Variants in MCTP1 observed in about 807,000 individuals in gnomAD.
MCTP1 encodes multiple C2 and transmembrane domain-containing protein 1.
MCTP1 carries 69 observed loss-of-function variants against 120.6 expected under a neutral mutation model. The observed-to-expected ratio is 0.57, with a 90% CI of 0.47 to 0.70. The LOEUF (loss-of-function observed/expected upper bound fraction) is 0.70, where lower values mean the gene tolerates loss of function less well. MCTP1 is among the 30% of genes least tolerant of loss of function. The pLI is 0.00. For synonymous variants in MCTP1, 529 were observed against 493.1 expected, an observed-to-expected ratio of 1.07 and a Z score of -0.96; for missense variants, 1,203 against 1,248.8, an observed-to-expected ratio of 0.96 and a Z score of 0.55.
At chr5:95,223,100 C>A (rs1753864251) in intron 1 of MCTP1, among the ~76,000 whole-genome samples, 1 of 152,168 alleles carries the variant, frequency 6.6e-6, no homozygotes, top group South Asian at 2.1e-4. Context: ...CTTATTTACT[C>A]ATCAGCTTAA....
chr5:95,167,174 G>C (rs1217210328), intron 1 of MCTP1, among the ~76,000 whole-genome samples: 1 of 152,072 alleles, frequency 6.6e-6, no homozygotes, highest in East Asian at 1.9e-4. Flanking sequence ...TTGGTTTTCT[G>C]TCCTTGCAAT....
At position 94,894,640 on chromosome 5, in the gene MCTP1, C is replaced by A; in HGVS notation, c.1839+9G>T. 6.4e-7 allele frequency: 1 copy of A among 1,573,166 alleles called. No homozygotes were observed. The highest frequency in any genetic ancestry group is 8.7e-7 in the Non-Finnish European group (1 of 1,150,178). ...TGTGTCTCTGGAAGGAGGAGGGTTA[C>A]ATACGTACATATCTCTTTAATATCT... On this transcript the variant is annotated intron_variant, in intron 11 of 22. Coordinates refer to ENST00000515393, the MANE Select transcript of MCTP1 (RefSeq NM_024717.7).
chr5:95,162,627 G>T (rs536483344), intron 1 of MCTP1, among the ~76,000 whole-genome samples: 1 of 152,242 alleles, frequency 6.6e-6, no homozygotes. Context: ...AATACCAACA[G>T]AATGCCATGA....
chr5:95,211,044 A>G (rs865853211), intron 1 of MCTP1, among the ~76,000 whole-genome samples: 2,072 of 150,454 alleles, frequency 0.014, 34 homozygotes, highest in African/African-American at 0.046. Context: ...CGAGAGATCC[A>G]CTGTTAGTCT....
intron 1 of MCTP1, among the ~76,000 whole-genome samples, chr5:95,079,143 T>C (rs1354447355): frequency 6.6e-6 from 1 of 152,150 alleles, no homozygotes; most frequent in Non-Finnish European, 1.5e-5. Flanking sequence ...TCTCCATAGC[T>C]TTCCTACTTG....
chr5:94,905,162 C>T (rs1415438603), intron 10 of MCTP1, among the ~76,000 whole-genome samples: 1 of 151,940 alleles, frequency 6.6e-6, no homozygotes, highest in Non-Finnish European at 1.5e-5. Context: ...AGGGAAAGGT[C>T]CTGAGGTGGG....
At chr5:94,755,628 CAT>C (rs1181086322) in intron 19 of MCTP1, among the ~76,000 whole-genome samples, 1 of 152,292 alleles carries the variant, frequency 6.6e-6, no homozygotes, top group East Asian at 1.9e-4. Context: ...TTTCTTAAAA[CAT>C]GTGGTTTCCA....
intron 1 of MCTP1, among the ~76,000 whole-genome samples, chr5:95,209,227 T>C (rs1177205789): frequency 2.6e-5 from 4 of 152,200 alleles, no homozygotes; most frequent in Middle Eastern, 3.2e-3. Context: ...GGAGAAAGTT[T>C]TGCCGCCTCC....
At chr5:95,067,609 T>C (rs1751009177) in intron 1 of MCTP1, among the ~76,000 whole-genome samples, 2 of 152,034 alleles carry the variant, frequency 1.3e-5, no homozygotes, top group African/African-American at 2.4e-5. Flanking sequence ...AATATACTTA[T>C]ATTTTTAAAT....
intron 2 of MCTP1, among the ~76,000 whole-genome samples, chr5:94,953,845 A>T (rs1821326407): frequency 1.2e-4 from 1 of 8,022 alleles, no homozygotes; most frequent in Non-Finnish European, 2.3e-4. Context: ...ATATATATAC[A>T]CAACTATATA....
chr5:94,866,746 GT>G (rs879599169), intron 17 of MCTP1, among the ~76,000 whole-genome samples: 238 of 141,540 alleles, frequency 1.7e-3, no homozygotes, highest in African/African-American at 2.8e-3. Context: ...CAGTGCCTGA[GT>G]TTTTTTTTTT....
At chr5:94,867,078 A>C (rs1796953132) in intron 17 of MCTP1, 1 of 466,862 alleles carries the variant, frequency 2.1e-6, no homozygotes, top group Non-Finnish European at 3.4e-6. Flanking sequence ...ATAGAAGCTC[A>C]GTATCATTTT....
intron 1 of MCTP1, among the ~76,000 whole-genome samples, chr5:95,247,486 G>T (rs897833327): frequency 1.2e-4 from 18 of 152,048 alleles, no homozygotes; most frequent in Non-Finnish European, 2.4e-4. Flanking sequence ...TGATGTTAGG[G>T]TGTCGATTTT....
intron 2 of MCTP1, among the ~76,000 whole-genome samples, chr5:95,003,684 C>T (rs773824203): frequency 1.3e-5 from 2 of 152,174 alleles, no homozygotes; most frequent in Non-Finnish European, 2.9e-5. Context: ...TCCCCTTTAC[C>T]TTCTGCCATG....
intron 17 of MCTP1, among the ~76,000 whole-genome samples, chr5:94,845,634 T>C (rs1283832342): frequency 3.3e-5 from 5 of 152,184 alleles, no homozygotes; most frequent in Non-Finnish European, 7.3e-5. Context: ...AACCTCCCCT[T>C]CCTGGGCTCA....
rs1237139669 is a variant in MCTP1 at position 94,704,963 on chromosome 5, C to T, written c.*2533G>A. ...ATAAGTGGGGAAAAATTTAAAAGCACAAATACGCATTTCTTATGAATTATC... is the reference window on the plus strand; with the variant it reads ...ATAAGTGGGGAAAAATTTAAAAGCATAAATACGCATTTCTTATGAATTATC... On this transcript the variant is annotated 3_prime_UTR_variant, in exon 23 of 23. Transcript: ENST00000515393. The T allele has an allele frequency of 6.6e-6, 1 of 151,160 alleles. No homozygotes were observed. The highest frequency in any genetic ancestry group is 2.4e-5 in the African/African-American group (1 of 41,304). The allele number at this position is 151,160 out of a possible 1,614,324, so 9.4% of individuals were successfully genotyped here. A position where few individuals can be genotyped will look rare whatever the true frequency, so the allele number is the denominator to read the frequency against.
chr5:94,980,115 C>T (rs1048294336), intron 2 of MCTP1, among the ~76,000 whole-genome samples: 1 of 152,042 alleles, frequency 6.6e-6, no homozygotes, highest in Admixed American at 6.6e-5. Context: ...AATAAAATTA[C>T]CCTTACCATT....
At chr5:94,983,651 CTG>C (rs1199940176) in intron 2 of MCTP1, among the ~76,000 whole-genome samples, 1 of 88,456 alleles carries the variant, frequency 1.1e-5, no homozygotes, top group Non-Finnish European at 2.4e-5. Context: ...ATCTGTCTGT[CTG>C]TCTGTCTGTC....
At chr5:95,225,788 C>T (rs1754195254) in intron 1 of MCTP1, among the ~76,000 whole-genome samples, 1 of 152,112 alleles carries the variant, frequency 6.6e-6, no homozygotes, top group Non-Finnish European at 1.5e-5. Flanking sequence ...CCCACCTAGT[C>T]TGTCCCCATA....
Sources: allele counts gnomAD v4.1 joint callset (sites outside exome capture counted in the v4.1 genomes callset), GRCh38; gene constraint gnomAD v4.1.1; transcripts MANE v1.5; gene names NCBI Gene and HGNC (gene_info 2026-07-23, HGNC 2026-07-21).